The following PALM2AKAP2 variants were observed in gnomAD, a reference collection of about 807,000 sequenced individuals.
PALM2AKAP2 encodes PALM2-AKAP2 fusion protein.
A neutral mutation model predicts 71.5 loss-of-function variants in PALM2AKAP2; 37 were observed. That is an observed-to-expected ratio of 0.52 (90% CI 0.40 to 0.68). The LOEUF (loss-of-function observed/expected upper bound fraction) is 0.68, where lower values mean the gene tolerates loss of function less well. Among genes scored for constraint, PALM2AKAP2 ranks in the 30% least tolerant of loss-of-function variants. The pLI, the probability that PALM2AKAP2 is intolerant of heterozygous loss-of-function variation, is 0.00. For synonymous variants in PALM2AKAP2, 468 were observed against 478.8 expected (o/e 0.98, Z 0.29); for missense variants, 1,224 against 1,191.8 (o/e 1.03, Z -0.40).
chr9:109,999,975 A>G (rs1198979684), intron 6 of PALM2AKAP2, among the ~76,000 whole-genome samples: 1 of 143,784 alleles, frequency 7.0e-6, no homozygotes, highest in Non-Finnish European at 1.5e-5. Context: ...AAATTTTTGT[A>G]TTTATTGAAT....
At chr9:109,780,250 G>A (rs1020719762), upstream of PALM2AKAP2, 2 of 1,137,022 alleles carry the variant, frequency 1.8e-6, no homozygotes, top group African/African-American at 3.3e-5. Flanking sequence ...GGGAGATGCA[G>A]TGAGCGGCGG....
intron 1 of PALM2AKAP2, among the ~76,000 whole-genome samples, chr9:109,691,879 C>CATAT (rs1203455785): frequency 1.2e-4 from 6 of 50,508 alleles, no homozygotes; most frequent in Admixed American, 4.5e-4. Flanking sequence ...CACACACACA[C>CATAT]ACATATATAT....
At chr9:109,657,245 A>G (rs186769449) in intron 1 of PALM2AKAP2, among the ~76,000 whole-genome samples, 4 of 152,356 alleles carry the variant, frequency 2.6e-5, no homozygotes, top group African/African-American at 9.6e-5. Context: ...GCAATTTATG[A>G]TATTTTGCTT....
At chr9:109,884,369 C>T (rs554222446) in intron 3 of PALM2AKAP2, among the ~76,000 whole-genome samples, 2 of 152,104 alleles carry the variant, frequency 1.3e-5, no homozygotes, top group South Asian at 2.1e-4. Flanking sequence ...GGTTGAGGCA[C>T]GAGAATCGCT....
At chr9:110,155,841 A>G (rs762734117) in intron 2 of PALM2AKAP2, among the ~76,000 whole-genome samples, 4 of 152,220 alleles carry the variant, frequency 2.6e-5, no homozygotes, top group Non-Finnish European at 4.4e-5. Context: ...GCTATAGAGG[A>G]TAGACCCTGG....
At chr9:109,952,541 T>C (rs997437085) in intron 6 of PALM2AKAP2, among the ~76,000 whole-genome samples, 2 of 152,202 alleles carry the variant, frequency 1.3e-5, no homozygotes, top group African/African-American at 4.8e-5. Context: ...CAGGTTAAGA[T>C]TGACAAGAGT....
At chr9:109,858,501 A>G (rs1366930567) in intron 1 of PALM2AKAP2, among the ~76,000 whole-genome samples, 1 of 152,132 alleles carries the variant, frequency 6.6e-6, no homozygotes, top group Admixed American at 6.5e-5. Flanking sequence ...AGGCCCAGAA[A>G]CAATAAGGGA....
intron 1 of PALM2AKAP2, among the ~76,000 whole-genome samples, chr9:109,751,694 C>T (rs1431845290): frequency 6.6e-6 from 1 of 152,186 alleles, no homozygotes; most frequent in Non-Finnish European, 1.5e-5. Flanking sequence ...TGATACCCAT[C>T]TCATAGAGCA....
At chr9:110,012,717 A>C (rs938942583) in intron 6 of PALM2AKAP2, among the ~76,000 whole-genome samples, 8 of 152,222 alleles carry the variant, frequency 5.3e-5, no homozygotes, top group African/African-American at 1.9e-4. Context: ...GAAGACTAAA[A>C]TATTGAGACA....
At chr9:109,862,778 A>G in intron 1 of PALM2AKAP2, 1 of 451,786 alleles carries the variant, frequency 2.2e-6, no homozygotes, top group South Asian at 1.6e-5. Flanking sequence ...AGCTTCATGG[A>G]TATTTAAACT....
intron 3 of PALM2AKAP2, 149 bp downstream of exon 10, chr9:110,162,281 T>C: frequency 8.2e-7 from 1 of 1,225,960 alleles, no homozygotes. Flanking sequence ...TTCTGAAATA[T>C]GGGACTGCCT....
At chr9:109,684,724 T>C (rs536100331) in intron 1 of PALM2AKAP2, among the ~76,000 whole-genome samples, 9 of 152,302 alleles carry the variant, frequency 5.9e-5, no homozygotes, top group African/African-American at 2.2e-4. Flanking sequence ...TAAACAGATA[T>C]AAATCATTTT....
chr9:110,119,350 A>C (rs1413007184), intron 1 of PALM2AKAP2, among the ~76,000 whole-genome samples: 1 of 151,770 alleles, frequency 6.6e-6, no homozygotes, highest in Admixed American at 6.6e-5. Context: ...TCAAAAAAAA[A>C]AAAAAAAAAA....
At chr9:109,780,507 C>T (rs1047868660) in exon 1 of PALM2AKAP2, 5 of 1,613,526 alleles carry the variant, frequency 3.1e-6, no homozygotes, top group South Asian at 2.2e-5. Context: ...GGCGGAATTG[C>T]ACAAGGAAAG....
At chr9:110,077,451 A>G (rs545565974) in intron 1 of PALM2AKAP2, among the ~76,000 whole-genome samples, 24 of 152,076 alleles carry the variant, frequency 1.6e-4, no homozygotes, top group Non-Finnish European at 3.1e-4. Context: ...GACAGATGAG[A>G]AACCTTAGAC....
chr9:109,878,702 G>A (rs1298878345), intron 2 of PALM2AKAP2, among the ~76,000 whole-genome samples: 1 of 152,112 alleles, frequency 6.6e-6, no homozygotes, highest in Non-Finnish European at 1.5e-5. Flanking sequence ...TGGTGAATCA[G>A]GACCATTAGT....
At chr9:109,957,000 A>G (rs1297268879) in intron 6 of PALM2AKAP2, among the ~76,000 whole-genome samples, 1 of 152,230 alleles carries the variant, frequency 6.6e-6, no homozygotes, top group Non-Finnish European at 1.5e-5. Context: ...AGAGACACAG[A>G]GCTGGGATTC....
At chr9:109,825,035 A>G (rs1451703810) in intron 1 of PALM2AKAP2, among the ~76,000 whole-genome samples, 2 of 152,218 alleles carry the variant, frequency 1.3e-5, no homozygotes, top group Non-Finnish European at 2.9e-5. Flanking sequence ...TCAACACGTA[A>G]TGTAGCTGAA....
chr9:110,138,357 G>C, exon 2 of PALM2AKAP2: 1 of 1,614,198 alleles, frequency 6.2e-7, no homozygotes, highest in Non-Finnish European at 8.5e-7. Context: ...GTGATGGTTG[G>C]GCCTTTCAAG....
Sources: allele counts gnomAD v4.1 joint callset (sites outside exome capture counted in the v4.1 genomes callset), GRCh38; gene constraint gnomAD v4.1.1; transcripts MANE v1.5; gene names NCBI Gene and HGNC (gene_info 2026-07-23, HGNC 2026-07-21).